Variants in KLF17 observed in about 807,000 individuals in gnomAD.
The protein encoded by KLF17 is KLF transcription factor 17.
Under a neutral mutation model 34.2 loss-of-function variants are expected in KLF17, and 31 were observed. That is an observed-to-expected ratio of 0.91 (90% CI 0.68 to 1.22). The LOEUF (loss-of-function observed/expected upper bound fraction) is 1.22, where lower values mean the gene tolerates loss of function less well. Among genes scored for constraint, KLF17 ranks in the 50% most tolerant of loss-of-function variants. KLF17 has a pLI of 0.00. For missense variants in KLF17, 478 were observed against 505.2 expected, an observed-to-expected ratio of 0.95 and a Z score of 0.52; for synonymous variants, 179 against 186.7, an observed-to-expected ratio of 0.96 and a Z score of 0.34.
chr1:44,066,486 A>G, the KLF17 span, among the ~76,000 whole-genome samples: 106 of 150,344 alleles, frequency 7.1e-4, no homozygotes, highest in African/African-American at 9.1e-4. Context: ...TCAGCCTCCC[A>G]GAGTGCTGGG....
chr1:44,073,397 G>T, the KLF17 span, among the ~76,000 whole-genome samples: 3 of 151,416 alleles, frequency 2.0e-5, no homozygotes, highest in African/African-American at 7.3e-5. Flanking sequence ...AGTAGGACAG[G>T]GTTTCACCAT....
At chr1:44,080,238 T>TTA in the KLF17 span, among the ~76,000 whole-genome samples, 1 of 129,454 alleles carries the variant, frequency 7.7e-6, no homozygotes, top group Non-Finnish European at 1.7e-5. Flanking sequence ...CTCTGTGTCT[T>TTA]TTTTTTTTTT....
chr1:44,099,845 G>GAAAGAAAGAAAGAAAA, the KLF17 span, among the ~76,000 whole-genome samples: 31 of 35,988 alleles, frequency 8.6e-4, 1 homozygote, highest in African/African-American at 4.5e-3. Flanking sequence ...AAGAAAGAAA[G>GAAAGAAAGAAAGAAAA]AAAGAAAGAA....
At chr1:44,082,738 G>A in the KLF17 span, among the ~76,000 whole-genome samples, 99,519 of 152,014 alleles carry the variant, frequency 0.65, 32,999 homozygotes, top group South Asian at 0.75. Flanking sequence ...TGATAATTCT[G>A]TTCTTTCTGG....
chr1:44,079,838 T>C, the KLF17 span, among the ~76,000 whole-genome samples: 1 of 152,268 alleles, frequency 6.6e-6, no homozygotes, highest in East Asian at 1.9e-4. Flanking sequence ...CTCTGTCATA[T>C]ATCAGGAATC....
At chr1:44,121,098 C>T (rs572965536) in intron 1 of KLF17, among the ~76,000 whole-genome samples, 200 of 152,178 alleles carry the variant, frequency 1.3e-3, no homozygotes, top group African/African-American at 4.3e-3. Flanking sequence ...CATAATCAAA[C>T]GTATCAAAAT....
chr1:44,106,860 G>A, the KLF17 span: 1 of 152,248 alleles, frequency 6.6e-6, no homozygotes, highest in African/African-American at 2.4e-5. Flanking sequence ...ATACAGGTCA[G>A]GCTTTGACAC....
the KLF17 span, among the ~76,000 whole-genome samples, chr1:44,077,668 C>T: frequency 3.3e-5 from 5 of 152,280 alleles, no homozygotes; most frequent in East Asian, 9.6e-4. Context: ...GGGCAACTGG[C>T]TAGAAAACCT....
the KLF17 span, among the ~76,000 whole-genome samples, chr1:44,100,242 A>C: frequency 8.4e-3 from 1,219 of 145,272 alleles, 21 homozygotes; most frequent in African/African-American, 0.029. Context: ...TGGGTAACAG[A>C]GTGAGACTCC....
In KLF17 at chr1:44,129,419, T is replaced by G; in HGVS notation, c.148T>G (p.Ser50Ala). ...TTCTGGAAGCTCTGGAGTGCACACC[T>G]CTTGGAACCAAGGCCTACCAAGCAT... ...SSSGSSGVHT[S>A]WNQGLPSIQH... The change falls in exon 2 of 4, where the codon TCT (serine) becomes GCT (alanine). Residue 50 changes from serine to alanine, a missense_variant. Physicochemically the swap from Ser to Ala is moderately conservative, Grantham distance 99. Transcript: ENST00000372299. The G allele has an allele frequency of 6.4e-7, 1 of 1,574,166 alleles. No individual in the cohort carries two copies. The highest frequency in any genetic ancestry group is 1.2e-5 in the South Asian group (1 of 84,288).
chr1:44,118,732 G>T, upstream of KLF17: 2 of 473,210 alleles, frequency 4.2e-6, no homozygotes, highest in East Asian at 3.5e-5. Context: ...CTGGGGCAGG[G>T]CTGCGAGGGC....
chr1:44,118,692 G>A (rs1342684727), upstream of KLF17, among the ~76,000 whole-genome samples: 2 of 151,944 alleles, frequency 1.3e-5, no homozygotes, highest in Non-Finnish European at 2.9e-5. Flanking sequence ...AGGCTGCCTT[G>A]GTTGGGGCAT....
chr1:44,119,520 A>G (rs1373423030), intron 1 of KLF17, among the ~76,000 whole-genome samples: 1 of 152,186 alleles, frequency 6.6e-6, no homozygotes, highest in Non-Finnish European at 1.5e-5. Flanking sequence ...ATAAAATTGT[A>G]TGAATAAATC....
chr1:44,113,298 G>GCA, the KLF17 span, among the ~76,000 whole-genome samples: 4,698 of 152,250 alleles, frequency 0.031, 82 homozygotes, highest in South Asian at 0.038. Context: ...ACTTTGAGTA[G>GCA]CACCAAAGAG....
the KLF17 span, among the ~76,000 whole-genome samples, chr1:44,087,194 C>T: frequency 5.9e-5 from 9 of 151,996 alleles, no homozygotes; most frequent in African/African-American, 2.2e-4. Context: ...TTCAGGCTGC[C>T]GTAACAAGAT....
the KLF17 span, among the ~76,000 whole-genome samples, chr1:44,060,251 C>T: frequency 6.6e-6 from 1 of 152,244 alleles, no homozygotes; most frequent in African/African-American, 2.4e-5. Flanking sequence ...AGGGGGATCA[C>T]TTGAGGTCAG....
rs780060684 is a variant in KLF17, at chr1:44,130,696, A to G, written c.1110A>G (p.Ser370=). Residue 370 remains serine, a synonymous_variant, in exon 3 of 4, where the codon TCA becomes TCG. Transcript: ENST00000372299. Reference sequence around the variant, plus strand: ...AGAAGACTCATCGGCCGGGACCCTCAGACCCACAGGCCAACAACAACAATG... The same window carrying G: ...AGAAGACTCATCGGCCGGGACCCTCGGACCCACAGGCCAACAACAACAATG... The part of the protein sequence containing the change: ...QHQKTHRPGP[S]DPQANNNNGE... 6.2e-7 allele frequency: 1 copy of G among 1,609,980 alleles called. No homozygotes were observed. Among genetic ancestry groups the G allele is most frequent in the East Asian group, 2.2e-5 (1 of 44,624 alleles).
the KLF17 span, among the ~76,000 whole-genome samples, chr1:44,112,118 C>T: frequency 5.9e-5 from 9 of 152,188 alleles, no homozygotes; most frequent in African/African-American, 2.2e-4. Flanking sequence ...TTTGACCATA[C>T]CAACATGTAT....
the KLF17 span, among the ~76,000 whole-genome samples, chr1:44,085,879 G>A: frequency 4.6e-5 from 7 of 151,330 alleles, no homozygotes; most frequent in African/African-American, 1.7e-4. Context: ...TATTACTGGA[G>A]GTCTGGGAGA....
Sources: gnomAD v4.1 joint callset for allele counts (sites outside exome capture counted in the v4.1 genomes callset) on GRCh38, gnomAD v4.1.1 for gene constraint, MANE v1.5 for transcripts, NCBI Gene and HGNC (gene_info 2026-07-23, HGNC 2026-07-21) for gene names.